RBMS3: variants seen among roughly 807,000 people sequenced by gnomAD.
The protein encoded by RBMS3 is RNA-binding motif, single-stranded-interacting protein 3.
A neutral mutation model predicts 66.8 loss-of-function variants in RBMS3; 27 were observed. That is an observed-to-expected ratio of 0.40 (90% CI 0.30 to 0.56). The LOEUF (loss-of-function observed/expected upper bound fraction) is 0.56, where lower values mean the gene tolerates loss of function less well. RBMS3 is among the 20% of genes least tolerant of loss of function. The pLI is 0.40. For missense variants in RBMS3, 513 were observed against 549.5 expected (o/e 0.93, Z 0.66); for synonymous variants, 188 against 183.0 (o/e 1.03, Z -0.22).
At chr3:29,359,971 A>G (rs1346218206) in intron 1 of RBMS3, among the ~76,000 whole-genome samples, 2 of 151,732 alleles carry the variant, frequency 1.3e-5, no homozygotes, top group African/African-American at 4.8e-5. Context: ...CAGTCTGTCA[A>G]TTTTGTTGAT....
chr3:29,590,690 A>G (rs1559493420), intron 4 of RBMS3, among the ~76,000 whole-genome samples: 1 of 152,078 alleles, frequency 6.6e-6, no homozygotes, highest in African/African-American at 2.4e-5. Flanking sequence ...GAAAAAACTT[A>G]TTGGCCAAGG....
Position 29,326,762 on chromosome 3 carries a change from C to T in RBMS3, c.75+45006C>T, listed in dbSNP as rs563536702. 4.0e-5 allele frequency among the ~76,000 whole-genome samples: 6 copies of T among 149,548 alleles called. No individual in the cohort carries two copies. The South Asian group carries it at 8.5e-4, about 21-fold the overall frequency. ...TTTTTTTTTTTTCGAGACAGAGTCTCGCTGTGTCGCCAGGCTGGAGTGCAG... is the reference window on the plus strand; with the variant it reads ...TTTTTTTTTTTTCGAGACAGAGTCTTGCTGTGTCGCCAGGCTGGAGTGCAG... On this transcript the variant is annotated intron_variant, in intron 1 of 14. Coordinates refer to ENST00000383767, the MANE Select transcript of RBMS3 (RefSeq NM_001003793.3).
At chr3:29,512,170 G>T (rs760778410) in intron 3 of RBMS3, among the ~76,000 whole-genome samples, 2 of 151,846 alleles carry the variant, frequency 1.3e-5, no homozygotes, top group African/African-American at 4.8e-5. Context: ...ATGAAAAGGT[G>T]GTCTTCCTTA....
chr3:29,580,296 A>T (rs1017604687), intron 3 of RBMS3, among the ~76,000 whole-genome samples: 6 of 152,144 alleles, frequency 3.9e-5, no homozygotes, highest in Non-Finnish European at 8.8e-5. Context: ...GGTAGTGATT[A>T]CTCTCTATAT....
At chr3:29,826,348 C>T (rs1024673031) in intron 6 of RBMS3, among the ~76,000 whole-genome samples, 1 of 152,074 alleles carries the variant, frequency 6.6e-6, no homozygotes, top group African/African-American at 2.4e-5. Context: ...TTATGTATTT[C>T]TACAAGATGA....
At position 29,314,997 on chromosome 3, in the gene RBMS3, G is replaced by A. The variant is rs115990540; in HGVS notation, c.75+33241G>A. On this transcript the variant is annotated intron_variant, in intron 1 of 14. Coordinates refer to ENST00000383767, the MANE Select transcript of RBMS3 (RefSeq NM_001003793.3). ...AAATGACTGTGGCCATAAATATAGA[G>A]CTCCAAAGTTTAGAGCCTGAAGCTT... 2.1e-3 allele frequency among the ~76,000 whole-genome samples: 313 copies of A among 151,784 alleles called. 2 individuals carry two copies. The highest frequency in any genetic ancestry group is 3.5e-3 in the Non-Finnish European group (239 of 67,794).
At chr3:29,661,193 C>T (rs888617559) in intron 4 of RBMS3, among the ~76,000 whole-genome samples, 5 of 152,196 alleles carry the variant, frequency 3.3e-5, no homozygotes, top group African/African-American at 7.2e-5. Flanking sequence ...CTTCAACATA[C>T]TTCAGAGTTA....
chr3:29,322,101 A>G (rs923611200), intron 1 of RBMS3, among the ~76,000 whole-genome samples: 1 of 152,030 alleles, frequency 6.6e-6, no homozygotes, highest in African/African-American at 2.4e-5. Flanking sequence ...AGGATGCTCC[A>G]TCTATGAAGG....
chr3:29,326,247 T>C (rs913030864), intron 1 of RBMS3, among the ~76,000 whole-genome samples: 1 of 152,198 alleles, frequency 6.6e-6, no homozygotes, highest in East Asian at 1.9e-4. Flanking sequence ...TTGGAAAGCA[T>C]GCAATTCATC....
chr3:29,420,947 G>A lies in RBMS3; in HGVS notation c.76-13796G>A, dbSNP rs1428246844. Among the ~76,000 whole-genome samples the A allele has an allele frequency of 8.1e-4, 101 of 125,464 alleles. 3 individuals are homozygous for A. The highest frequency in any genetic ancestry group is 2.3e-3 in the African/African-American group (88 of 37,554). The allele number at this position is 125,464 out of a possible 152,430, so 82.3% of individuals were successfully genotyped here. ...GTGAAACCCCGTCTCTACTAAAAAT[G>A]AAAAAAAAAAAAAAAATTAACTGGG... On this transcript the variant is annotated intron_variant, in intron 1 of 14. Coordinates refer to ENST00000383767, the MANE Select transcript of RBMS3 (RefSeq NM_001003793.3).
chr3:29,688,919 T>C (rs1018995115), intron 4 of RBMS3, among the ~76,000 whole-genome samples: 2 of 152,060 alleles, frequency 1.3e-5, no homozygotes, highest in East Asian at 3.9e-4. Context: ...AGAGATTTTT[T>C]CTTAAAAAGG....
intron 6 of RBMS3, among the ~76,000 whole-genome samples, chr3:29,837,458 A>AAACTTCCC (rs2058541782): frequency 6.6e-6 from 1 of 151,318 alleles, no homozygotes; most frequent in Admixed American, 6.6e-5. Context: ...AAAAGTAGTC[A>AAACTTCCC]AACTTCCCAA....
chr3:29,999,127 GA>G (rs1281812314), intron 14 of RBMS3, among the ~76,000 whole-genome samples: 2 of 142,830 alleles, frequency 1.4e-5, no homozygotes, highest in African/African-American at 6.1e-5. Context: ...CTTCTCAAAA[GA>G]AGACATTTAT....
At position 29,888,465 on chromosome 3, in the gene RBMS3, A is replaced by T. The variant is rs1407936536; in HGVS notation, c.791+4257A>T. Among the ~76,000 whole-genome samples, 4 of 151,588 alleles carry T rather than the reference A, an allele frequency of 2.6e-5. No individual in the cohort carries two copies. The East Asian group carries it at 5.8e-4, about 22-fold the overall frequency. ...TTCAGTACTTCCTGTGCACCAAATA[A>T]TCCTACCCACTTTTACTAATCTTAC... On this transcript the variant is annotated intron_variant, in intron 8 of 14. Coordinates refer to ENST00000383767, the MANE Select transcript of RBMS3 (RefSeq NM_001003793.3).
chr3:29,416,920 A>G (rs1249870486), intron 1 of RBMS3, among the ~76,000 whole-genome samples: 1 of 152,138 alleles, frequency 6.6e-6, no homozygotes, highest in East Asian at 1.9e-4. Flanking sequence ...ACAAGTTATA[A>G]GCTATTACCA....
At chr3:29,524,030 G>A (rs2044975451) in intron 3 of RBMS3, among the ~76,000 whole-genome samples, 2 of 152,110 alleles carry the variant, frequency 1.3e-5, no homozygotes, top group Middle Eastern at 6.8e-3. Context: ...GAGCCCCTGC[G>A]CCCAGCCCAT....
chr3:29,640,496 G>C (rs1576418979), intron 4 of RBMS3, among the ~76,000 whole-genome samples: 1 of 148,886 alleles, frequency 6.7e-6, no homozygotes, highest in South Asian at 2.1e-4. Context: ...CCAAGAGCTT[G>C]CTTCACTAGT....
intron 6 of RBMS3, chr3:29,797,662 A>G (rs2057246439): frequency 6.6e-6 from 1 of 152,188 alleles, no homozygotes; most frequent in African/African-American, 2.4e-5. Context: ...AATATTTGCT[A>G]GAGGGAAGTG....
Position 29,944,269 on chromosome 3 carries a change from A to C in RBMS3, c.1098+15A>C. 1 of 1,569,500 alleles carries C rather than the reference A, an allele frequency of 6.4e-7. No individual in the cohort carries two copies. ...TGTTGTGTCAGGTAGGAAAATTCTAATTCTTTTAAGACTGGATTGGAGGGG... is the reference window on the plus strand; with the variant it reads ...TGTTGTGTCAGGTAGGAAAATTCTACTTCTTTTAAGACTGGATTGGAGGGG... On this transcript the variant is annotated intron_variant, in intron 12 of 14. Coordinates refer to ENST00000383767, the MANE Select transcript of RBMS3 (RefSeq NM_001003793.3).
Sources: gnomAD v4.1 joint callset for allele counts (sites outside exome capture counted in the v4.1 genomes callset) on GRCh38, gnomAD v4.1.1 for gene constraint, MANE v1.5 for transcripts, NCBI Gene and HGNC (gene_info 2026-07-23, HGNC 2026-07-21) for gene names.